Variants in GPHN observed in about 807,000 individuals in gnomAD.
GPHN encodes the protein gephyrin.
A neutral mutation model predicts 95.5 loss-of-function variants in GPHN; 17 were observed. That is an observed-to-expected ratio of 0.18 (90% CI 0.12 to 0.27). GPHN has a LOEUF of 0.27. Ranked by LOEUF, GPHN falls within the 10% of genes least tolerant of loss-of-function variation. The pLI is 1.00. For synonymous variants in GPHN, 320 were observed against 322.5 expected (o/e 0.99, Z 0.08); for missense variants, 660 against 978.1 (o/e 0.67, Z 4.34).
At chr14:66,666,427 G>T (rs1220904029) in intron 1 of GPHN, among the ~76,000 whole-genome samples, 7 of 151,382 alleles carry the variant, frequency 4.6e-5, no homozygotes, top group Non-Finnish European at 4.4e-5. Context: ...AAAAAAGCTT[G>T]TCCACCAGAG....
At chr14:67,079,733 ACT>A (rs1466803196) in intron 11 of GPHN, among the ~76,000 whole-genome samples, 1 of 151,804 alleles carries the variant, frequency 6.6e-6, no homozygotes, top group Non-Finnish European at 1.5e-5. Context: ...CAAATTCAAA[ACT>A]CTCTATCCAT....
At chr14:67,489,653 G>A in the GPHN span, among the ~76,000 whole-genome samples, 3 of 152,126 alleles carry the variant, frequency 2.0e-5, no homozygotes, top group Admixed American at 6.6e-5. Flanking sequence ...TTCCCAGGGG[G>A]ATCTGACCAT....
At chr14:67,151,034 A>G (rs1196288998) in intron 18 of GPHN, among the ~76,000 whole-genome samples, 3 of 152,222 alleles carry the variant, frequency 2.0e-5, no homozygotes, top group African/African-American at 4.8e-5. Context: ...TATTTTATAT[A>G]AGAACTTACT....
At chr14:67,479,404 C>T in the GPHN span, among the ~76,000 whole-genome samples, 1 of 132,190 alleles carries the variant, frequency 7.6e-6, no homozygotes, top group Non-Finnish European at 1.5e-5. Context: ...GAGCAAGACT[C>T]TGTCTCAAAA....
At chr14:67,261,750 C>T in the GPHN span, among the ~76,000 whole-genome samples, 5 of 148,286 alleles carry the variant, frequency 3.4e-5, no homozygotes, top group East Asian at 2.1e-4. Context: ...TGATTGCCTT[C>T]GCTGCTTGGT....
At chr14:67,578,340 G>A in the GPHN span, 15 of 804,554 alleles carry the variant, frequency 1.9e-5, no homozygotes, top group African/African-American at 1.2e-4. This position sits in a 1 kb window ranked among gnomAD's most constrained non-coding sequence, Gnocchi z 5.0. Flanking sequence ...GCATCAGTAC[G>A]GCTGAGCTGT....
the GPHN span, among the ~76,000 whole-genome samples, chr14:67,723,932 G>A: frequency 0.65 from 98,896 of 152,072 alleles, 33,839 homozygotes; most frequent in Non-Finnish European, 0.76. Flanking sequence ...TGAAAGCCTC[G>A]GAAATGACCC....
chr14:66,978,048 C>CT (rs2070380599), intron 9 of GPHN, among the ~76,000 whole-genome samples: 1 of 152,140 alleles, frequency 6.6e-6, no homozygotes, highest in Non-Finnish European at 1.5e-5. Context: ...CTCCTGTAGT[C>CT]TATTAAGTGT....
chr14:67,336,368 A>C, the GPHN span: 1 of 184,812 alleles, frequency 5.4e-6, no homozygotes, highest in Non-Finnish European at 1.1e-5. Context: ...GACTCCACAC[A>C]ACAAATTATG....
intron 2 of GPHN, chr14:66,709,221 C>A: frequency 2.9e-6 from 1 of 345,814 alleles, no homozygotes; most frequent in Non-Finnish European, 6.0e-6. Flanking sequence ...GCAGCCTTTT[C>A]TAAACAACCA....
chr14:66,764,981 C>T (rs377655034), intron 2 of GPHN, among the ~76,000 whole-genome samples: 1 of 152,082 alleles, frequency 6.6e-6, no homozygotes, highest in Non-Finnish European at 1.5e-5. Flanking sequence ...TTTAAAAATA[C>T]TATCAACCTG....
At chr14:67,198,411 A>T in the GPHN span, 3 of 1,270,030 alleles carry the variant, frequency 2.4e-6, no homozygotes, top group Admixed American at 4.0e-5. Flanking sequence ...AATTGTTTTA[A>T]ATGTGCCGAG....
chr14:67,600,672 C>CG, the GPHN span, among the ~76,000 whole-genome samples: 2 of 152,104 alleles, frequency 1.3e-5, no homozygotes, highest in Non-Finnish European at 2.9e-5. Flanking sequence ...CTGCTTCCCC[C>CG]GGGTTCAAGC....
the GPHN span, among the ~76,000 whole-genome samples, chr14:67,453,770 G>A: frequency 6.6e-6 from 1 of 152,188 alleles, no homozygotes; most frequent in African/African-American, 2.4e-5. Flanking sequence ...TGGAGAGAGG[G>A]GCAGAGGAGG....
chr14:67,058,913 CT>C lies in GPHN; in HGVS notation c.1144+136del, dbSNP rs112796626. On this transcript the variant is annotated intron_variant, in intron 11 of 22. Transcript: ENST00000478722. ...AACCATTATTACAGTTATCATCATTCTTTTTTTTTCTTATTTCTACTCAATA... is the reference window on the plus strand; with the variant it reads ...AACCATTATTACAGTTATCATCATTCTTTTTTTTCTTATTTCTACTCAATA... 8.7e-4 allele frequency: 747 copies of C among 856,530 alleles called. 6 individuals carry two copies. The African/African-American group carries it at 0.011, about 13-fold the overall frequency. The allele number at this position is 856,530 out of a possible 1,614,324, so 53.1% of individuals were successfully genotyped here. A position where few individuals can be genotyped will look rare whatever the true frequency, so the allele number is the denominator to read the frequency against.
intron 5 of GPHN, among the ~76,000 whole-genome samples, chr14:66,910,606 T>A (rs2153555023): frequency 6.6e-6 from 1 of 152,102 alleles, no homozygotes; most frequent in Middle Eastern, 3.4e-3. Flanking sequence ...AGAAATGTAC[T>A]TAACATTGTA....
In GPHN at chr14:67,150,866, T is replaced by C. The variant is rs1274865167; in HGVS notation, c.1836+7417T>C. The stretch of plus-strand genomic sequence containing the variant: ...ACGTCATCATACCTGGCTTTTGGGT[T>C]TCCTTAATAACTGGAATTATTAAGT... On this transcript the variant is annotated intron_variant, in intron 18 of 22. Coordinates refer to ENST00000478722, the MANE Select transcript of GPHN (RefSeq NM_020806.5). 3.3e-5 allele frequency among the ~76,000 whole-genome samples: 5 copies of C among 152,272 alleles called. No homozygotes were observed. The East Asian group carries it at 9.6e-4, about 29-fold the overall frequency.
At chr14:66,524,584 G>T (rs890884943) in intron 1 of GPHN, among the ~76,000 whole-genome samples, 2 of 152,118 alleles carry the variant, frequency 1.3e-5, no homozygotes, top group Non-Finnish European at 1.5e-5. Context: ...TGCCATGGTG[G>T]TTTGCTGTAC....
At chr14:66,977,075 T>C (rs978667704) in intron 9 of GPHN, among the ~76,000 whole-genome samples, 3 of 152,296 alleles carry the variant, frequency 2.0e-5, no homozygotes, top group Admixed American at 1.3e-4. Context: ...ATATAACCTT[T>C]CAAGCAATAA....
Sources: allele counts gnomAD v4.1 joint callset (sites outside exome capture counted in the v4.1 genomes callset), GRCh38; gene constraint gnomAD v4.1.1; non-coding constraint Gnocchi (gnomAD v3.1); transcripts MANE v1.5; gene names NCBI Gene and HGNC (gene_info 2026-07-23, HGNC 2026-07-21).